NTRK3: variants seen among roughly 807,000 people sequenced by gnomAD.
NTRK3 encodes NT-3 growth factor receptor.
Under a neutral mutation model 91.7 loss-of-function variants are expected in NTRK3, and 24 were observed. That is an observed-to-expected ratio of 0.26 (90% CI 0.19 to 0.37). The LOEUF is 0.37. Ranked by LOEUF, NTRK3 falls within the 10% of genes least tolerant of loss-of-function variation. The pLI is 1.00. For synonymous variants in NTRK3, 483 were observed against 404.0 expected, an observed-to-expected ratio of 1.20 and a Z score of -2.34; for missense variants, 880 against 1,068.9, an observed-to-expected ratio of 0.82 and a Z score of 2.46.
intron 14 of NTRK3, among the ~76,000 whole-genome samples, chr15:87,944,440 C>T (rs2070221961): frequency 6.6e-6 from 1 of 152,190 alleles, no homozygotes; most frequent in Non-Finnish European, 1.5e-5. Flanking sequence ...TCATCATAAT[C>T]CTGAGAGACT....
chr15:88,115,095 T>C (rs1179615125), intron 13 of NTRK3, among the ~76,000 whole-genome samples: 1 of 152,200 alleles, frequency 6.6e-6, no homozygotes, highest in African/African-American at 2.4e-5. Context: ...TTTGTGATTT[T>C]AGGTTTTTAA....
chr15:88,015,436 TG>T (rs1363999403), intron 14 of NTRK3, among the ~76,000 whole-genome samples: 1 of 152,088 alleles, frequency 6.6e-6, no homozygotes, highest in East Asian at 1.9e-4. Flanking sequence ...ACTGCTACGG[TG>T]GCCTGGAAGG....
chr15:87,895,483 A>G (rs754031011), intron 17 of NTRK3, among the ~76,000 whole-genome samples: 2 of 152,174 alleles, frequency 1.3e-5, no homozygotes, highest in Non-Finnish European at 2.9e-5. Flanking sequence ...TTATTTTCCA[A>G]TCTGACTTTG....
chr15:87,899,965 A>T (rs1382681480), intron 17 of NTRK3, among the ~76,000 whole-genome samples: 1 of 152,206 alleles, frequency 6.6e-6, no homozygotes, highest in Non-Finnish European at 1.5e-5. Flanking sequence ...CATCCAATGG[A>T]AAATGGGATT....
chr15:88,210,820 A>G (rs1039007188), intron 3 of NTRK3, among the ~76,000 whole-genome samples: 2 of 152,178 alleles, frequency 1.3e-5, no homozygotes, highest in Non-Finnish European at 1.5e-5. Context: ...TCCATCAGAG[A>G]GCGGGCTCCT....
exon 19 of NTRK3, chr15:87,865,219 C>T (rs897389040): frequency 2.9e-5 from 6 of 206,614 alleles, no homozygotes; most frequent in Admixed American, 1.8e-4. Flanking sequence ...TTGTCAGATA[C>T]ACTGCAAGTG....
intron 14 of NTRK3, among the ~76,000 whole-genome samples, chr15:87,996,245 AAAAAT>A (rs539386167): frequency 2.3e-4 from 35 of 152,264 alleles, no homozygotes; most frequent in African/African-American, 7.2e-4. Flanking sequence ...CTCCGTCTCT[AAAAAT>A]AAAATAAAAT....
chr15:88,021,930 AAGG>A (rs2077625706), intron 14 of NTRK3, among the ~76,000 whole-genome samples: 1 of 152,072 alleles, frequency 6.6e-6, no homozygotes, highest in South Asian at 2.1e-4. Flanking sequence ...TAGGTGGGAG[AAGG>A]AGATCTTTTT....
intron 5 of NTRK3, among the ~76,000 whole-genome samples, chr15:88,175,396 A>AGAGG (rs2045905636): frequency 6.6e-6 from 1 of 152,144 alleles, no homozygotes; most frequent in Non-Finnish European, 1.5e-5. Flanking sequence ...AGAGAGAGAG[A>AGAGG]GAGACATAAA....
exon 19 of NTRK3, chr15:87,871,910 T>C (rs891394793): frequency 4.5e-6 from 1 of 221,076 alleles, no homozygotes. Flanking sequence ...GATGTCTTAA[T>C]AATGATGCAT....
At chr15:87,988,479 G>C (rs2141457714) in intron 14 of NTRK3, among the ~76,000 whole-genome samples, 1 of 152,306 alleles carries the variant, frequency 6.6e-6, no homozygotes, top group South Asian at 2.1e-4. Flanking sequence ...ATGTATCATG[G>C]TGATATAGAA....
intron 15 of NTRK3, among the ~76,000 whole-genome samples, chr15:87,936,759 T>C (rs2069321043): frequency 6.6e-6 from 1 of 152,154 alleles, no homozygotes; most frequent in African/African-American, 2.4e-5. Flanking sequence ...CAAAATCCAC[T>C]GCCACTTCCT....
At chr15:88,162,448 C>A (rs1049278467) in intron 5 of NTRK3, among the ~76,000 whole-genome samples, 5 of 152,026 alleles carry the variant, frequency 3.3e-5, no homozygotes, top group African/African-American at 1.2e-4. Flanking sequence ...TGTGAATGAA[C>A]GGGGGATCAG....
Position 88,234,712 on chromosome 15 carries a change from CT to C in NTRK3, c.248+21193del, listed in dbSNP as rs2051530178. 6.6e-6 allele frequency among the ~76,000 whole-genome samples: 1 copy of C among 152,250 alleles called. No individual in the cohort carries two copies. Among genetic ancestry groups the C allele is most frequent in the South Asian group, 2.1e-4 (1 of 4,834 alleles). ...TCCAACACATTTATTACACCCATCA[CT>C]TCAGCTGTAAGTCGAATCATCTCTT... On this transcript the variant is annotated intron_variant, in intron 3 of 18. Transcript: ENST00000394480. This position sits in a 1 kb window ranked among gnomAD's most constrained non-coding sequence, Gnocchi z 6.1.
rs566874338 is a variant in NTRK3 at position 88,235,397 on chromosome 15, G to C, written c.248+20509C>G. On this transcript the variant is annotated intron_variant, in intron 3 of 18. Transcript: ENST00000394480. The surrounding 1 kb of genome is among the most constrained non-coding windows in gnomAD (Gnocchi z 5.2). ...AGACAGTGGACACTCACTGGTCTCGGCCTTCCCGGAACCCACATCTGAGCA... is the reference window on the plus strand; with the variant it reads ...AGACAGTGGACACTCACTGGTCTCGCCCTTCCCGGAACCCACATCTGAGCA... Among the ~76,000 whole-genome samples, 1 of 152,310 alleles carries C rather than the reference G, an allele frequency of 6.6e-6. No homozygotes were observed.
At chr15:88,143,562 C>T (rs199848096) in intron 6 of NTRK3, among the ~76,000 whole-genome samples, 1 of 152,216 alleles carries the variant, frequency 6.6e-6, no homozygotes, top group Non-Finnish European at 1.5e-5. Flanking sequence ...TCTCTTTTAA[C>T]ACCAGCAAAA....
At chr15:88,035,713 G>T (rs1400351223) in intron 13 of NTRK3, among the ~76,000 whole-genome samples, 1 of 152,126 alleles carries the variant, frequency 6.6e-6, no homozygotes, top group Non-Finnish European at 1.5e-5. Context: ...CACAAGACAA[G>T]TAGACAATCA....
chr15:87,908,852 A>C (rs530683322), intron 17 of NTRK3, among the ~76,000 whole-genome samples: 2 of 151,892 alleles, frequency 1.3e-5, no homozygotes, highest in Admixed American at 6.5e-5. Context: ...CTCCCAGCAC[A>C]TGACACCCAG....
At chr15:87,867,129 T>C in exon 19 of NTRK3, 1 of 225,114 alleles carries the variant, frequency 4.4e-6, no homozygotes, top group Non-Finnish European at 8.9e-6. Flanking sequence ...TGTCCCAGAG[T>C]CTCTTGTGCA....
Sources: gnomAD v4.1 joint callset for allele counts (sites outside exome capture counted in the v4.1 genomes callset) on GRCh38, gnomAD v4.1.1 for gene constraint, Gnocchi (gnomAD v3.1) non-coding constraint, MANE v1.5 for transcripts, NCBI Gene and HGNC (gene_info 2026-07-23, HGNC 2026-07-21) for gene names.